Variants in NEGR1 observed in about 807,000 individuals in gnomAD.
The protein encoded by NEGR1 is neuronal growth regulator 1, also known as IgLON family member 4.
NEGR1 carries 10 observed loss-of-function variants against 40.9 expected under a neutral mutation model. The observed-to-expected ratio is 0.24, with a 90% confidence interval of 0.15 to 0.42. The LOEUF (loss-of-function observed/expected upper bound fraction) is 0.42. Among genes scored for constraint, NEGR1 ranks in the 10% least tolerant of loss-of-function variants. NEGR1 has a pLI of 1.00. For synonymous variants in NEGR1, 185 were observed against 166.8 expected (o/e 1.11, Z -0.84); for missense variants, 352 against 438.9 (o/e 0.80, Z 1.77).
chr1:71,768,066 G>A (rs1272450132), intron 3 of NEGR1, among the ~76,000 whole-genome samples: 1 of 152,224 alleles, frequency 6.6e-6, no homozygotes, highest in Non-Finnish European at 1.5e-5. Context: ...CACTACAGGG[G>A]TGGAACCTTC....
chr1:72,163,505 G>C (rs1345797123), intron 1 of NEGR1, among the ~76,000 whole-genome samples: 1 of 152,062 alleles, frequency 6.6e-6, no homozygotes, highest in East Asian at 1.9e-4. Context: ...TGAAGAACAA[G>C]TAAAGCAAAT....
intron 1 of NEGR1, among the ~76,000 whole-genome samples, chr1:72,245,769 A>T (rs909094810): frequency 1.3e-5 from 2 of 152,168 alleles, no homozygotes; most frequent in Admixed American, 1.3e-4. Flanking sequence ...ATTTATTTCA[A>T]TGAAATTACT....
At chr1:71,912,054 C>A (rs1661433742) in intron 2 of NEGR1, among the ~76,000 whole-genome samples, 1 of 152,144 alleles carries the variant, frequency 6.6e-6, no homozygotes, top group Admixed American at 6.5e-5. Context: ...TATTATATGT[C>A]TGTGGCTGTT....
chr1:71,940,203 T>A (rs1645946274), intron 1 of NEGR1, among the ~76,000 whole-genome samples: 1 of 152,160 alleles, frequency 6.6e-6, no homozygotes, highest in South Asian at 2.1e-4. Flanking sequence ...GATCTTAAGG[T>A]CCCTTTGAAA....
At chr1:72,049,802 T>TGG (rs1211086704) in intron 1 of NEGR1, among the ~76,000 whole-genome samples, 30 of 151,710 alleles carry the variant, frequency 2.0e-4, no homozygotes, top group Admixed American at 1.8e-3. Context: ...AAAAGCTAAA[T>TGG]TGTTGGTGTT....
chr1:72,152,227 A>G (rs1423579087), intron 1 of NEGR1, among the ~76,000 whole-genome samples: 1 of 151,968 alleles, frequency 6.6e-6, no homozygotes, highest in Admixed American at 6.6e-5. Context: ...AAATAATTAT[A>G]CATTCAAAAA....
chr1:72,236,396 G>A (rs1377464822), intron 1 of NEGR1, among the ~76,000 whole-genome samples: 5 of 151,550 alleles, frequency 3.3e-5, no homozygotes, highest in South Asian at 2.1e-4. Context: ...AAACCTGCGC[G>A]TTCTGCACAT....
chr1:72,070,327 C>T (rs571839815), intron 1 of NEGR1, among the ~76,000 whole-genome samples: 33 of 151,666 alleles, frequency 2.2e-4, no homozygotes, highest in Non-Finnish European at 4.7e-4. Context: ...TGAAATTTCT[C>T]TCCTAATGGC....
intron 2 of NEGR1, among the ~76,000 whole-genome samples, chr1:71,934,667 G>C (rs1319870348): frequency 6.6e-6 from 1 of 152,096 alleles, no homozygotes; most frequent in African/African-American, 2.4e-5. Context: ...TTATTGAAGG[G>C]ATGAATCAAA....
chr1:71,608,735 G>A (rs1650147820), intron 5 of NEGR1, among the ~76,000 whole-genome samples: 1 of 152,106 alleles, frequency 6.6e-6, no homozygotes, highest in South Asian at 2.1e-4. Flanking sequence ...CAGGGATTTG[G>A]GGAACTCCTG....
intron 1 of NEGR1, among the ~76,000 whole-genome samples, chr1:72,257,652 C>T (rs1413508727): frequency 1.3e-5 from 2 of 152,044 alleles, no homozygotes; most frequent in African/African-American, 2.4e-5. Flanking sequence ...TAATGACCAC[C>T]TCTACCGGAG....
chr1:71,515,025 A>T (rs1487206826), intron 6 of NEGR1, among the ~76,000 whole-genome samples: 1 of 60,480 alleles, frequency 1.7e-5, no homozygotes, highest in East Asian at 6.4e-4. Context: ...GTTTAGAGAA[A>T]AAAGAATAAA....
chr1:72,055,164 T>G (rs1470481208), intron 1 of NEGR1, among the ~76,000 whole-genome samples: 1 of 151,220 alleles, frequency 6.6e-6, no homozygotes, highest in Non-Finnish European at 1.5e-5. Context: ...ACTATATATT[T>G]TTATCTCTAC....
At chr1:71,577,418 AC>A (rs1435357892) in intron 6 of NEGR1, among the ~76,000 whole-genome samples, 1 of 152,198 alleles carries the variant, frequency 6.6e-6, no homozygotes, top group Non-Finnish European at 1.5e-5. Context: ...AAAGCTGTCA[AC>A]AATGTTGGAG....
chr1:71,791,522 A>C (rs1657117872), intron 2 of NEGR1, among the ~76,000 whole-genome samples: 2 of 152,070 alleles, frequency 1.3e-5, no homozygotes, highest in Admixed American at 1.3e-4. Flanking sequence ...TAGCCTGCCT[A>C]CCAACTTTTA....
intron 1 of NEGR1, among the ~76,000 whole-genome samples, chr1:72,156,926 CT>C (rs1297749396): frequency 2.8e-5 from 4 of 145,080 alleles, no homozygotes; most frequent in Non-Finnish European, 6.1e-5. Flanking sequence ...TAAAACAGGG[CT>C]TGCTTGTATG....
At chr1:71,596,175 GT>G (rs1413386911) in intron 5 of NEGR1, among the ~76,000 whole-genome samples, 1 of 152,010 alleles carries the variant, frequency 6.6e-6, no homozygotes, top group Non-Finnish European at 1.5e-5. Flanking sequence ...TCTTCATTGC[GT>G]TTTTATCATA....
chr1:72,162,776 T>C (rs938088281), intron 1 of NEGR1, among the ~76,000 whole-genome samples: 1 of 152,156 alleles, frequency 6.6e-6, no homozygotes, highest in Non-Finnish European at 1.5e-5. Flanking sequence ...ACAATCATGG[T>C]CTTATTATGT....
intron 1 of NEGR1, among the ~76,000 whole-genome samples, chr1:72,136,811 A>T (rs1293731527): frequency 6.6e-6 from 1 of 152,186 alleles, no homozygotes; most frequent in Non-Finnish European, 1.5e-5. Context: ...TTAATAGGCA[A>T]CCTACAGAAT....
Sources: allele counts gnomAD v4.1 joint callset (sites outside exome capture counted in the v4.1 genomes callset), GRCh38; gene constraint gnomAD v4.1.1; transcripts MANE v1.5; gene names NCBI Gene and HGNC (gene_info 2026-07-23, HGNC 2026-07-21).